ATP5PO: variants seen among roughly 807,000 people sequenced by gnomAD.
ATP5PO encodes the protein ATP synthase peripheral stalk subunit OSCP.
In ATP5PO, 14 loss-of-function variants were observed where a neutral mutation model predicts 26.2. That is an observed-to-expected ratio of 0.53 (90% CI 0.35 to 0.83). The LOEUF is 0.83. ATP5PO is among the 40% of genes least tolerant of loss of function. The pLI, the probability that ATP5PO is intolerant of heterozygous loss-of-function variation, is 0.01. For synonymous variants in ATP5PO, 106 were observed against 95.1 expected (o/e 1.12, Z -0.67); for missense variants, 241 against 258.5 (o/e 0.93, Z 0.46).
At chr21:33,905,024 A>G (rs1602769384) in intron 5 of ATP5PO, among the ~76,000 whole-genome samples, 4 of 152,170 alleles carry the variant, frequency 2.6e-5, no homozygotes, top group Non-Finnish European at 4.4e-5. Flanking sequence ...TACAAGTGTG[A>G]GCCACCACAC....
rs751887072 is a variant in ATP5PO, at chr21:33,909,070, T to A, written c.328+12A>T. The A allele has an allele frequency of 3.1e-6, 5 of 1,598,620 alleles. No homozygotes were observed. Among genetic ancestry groups the A allele is most frequent in the Non-Finnish European group, 4.3e-6 (5 of 1,171,830 alleles). Reference sequence around the variant, plus strand: ...TTCAAGACACCTCAAATGAAAAAGTTCTAATACTCACTGATCAGATTGGTA... The same window carrying A: ...TTCAAGACACCTCAAATGAAAAAGTACTAATACTCACTGATCAGATTGGTA... On this transcript the variant is annotated intron_variant, in intron 4 of 6. Transcript: ENST00000290299.
At position 33,909,100 on chromosome 21, in the gene ATP5PO, G is replaced by A. The variant is rs370581088; in HGVS notation, c.310C>T (p.Leu104Phe). 2.5e-6 allele frequency: 4 copies of A among 1,611,724 alleles called. No homozygotes were observed. Among genetic ancestry groups the A allele is most frequent in the Non-Finnish European group, 2.5e-6 (3 of 1,178,122 alleles). ...TACTCACTGATCAGATTGGTAGTGAGGGGAGAGAACCTCTCTTTTGCTGTG... is the reference window on the plus strand; with the variant it reads ...TACTCACTGATCAGATTGGTAGTGAAGGGAGAGAACCTCTCTTTTGCTGTG... ...DITAKERFSP[L>F]TTNLINLLAE... Residue 104 changes from leucine (L) to phenylalanine (F), a missense_variant, in exon 4 of 7, where the codon CTC becomes TTC. Leu to Phe is a conservative substitution (Grantham distance 22). Coordinates refer to ENST00000290299, the MANE Select transcript of ATP5PO (RefSeq NM_001697.3).
At position 33,907,371 on chromosome 21, in the gene ATP5PO, T is replaced by G; in HGVS notation, c.411A>C (p.Gly137=). 1 of 1,612,702 alleles carries G rather than the reference T, an allele frequency of 6.2e-7. No individual in the cohort carries two copies. The highest frequency in any genetic ancestry group is 1.1e-5 in the South Asian group (1 of 91,054). Residue 137 remains glycine (G), a synonymous_variant, in exon 5 of 7, where the codon GGA becomes GGC. Coordinates refer to ENST00000290299, the MANE Select transcript of ATP5PO (RefSeq NM_001697.3). Reference sequence around the variant, plus strand: ...CAGAGGTCACTGTGCAAGGTACCTCTCCGCGATGGACACTCATCATGGTAG... The same window carrying G: ...CAGAGGTCACTGTGCAAGGTACCTCGCCGCGATGGACACTCATCATGGTAG... ...AFSTMMSVHR[G]EVPCTVTSAS...
At chr21:33,904,742 C>A (rs1307421697) in intron 5 of ATP5PO, among the ~76,000 whole-genome samples, 5 of 152,158 alleles carry the variant, frequency 3.3e-5, no homozygotes, top group Non-Finnish European at 5.9e-5. Context: ...GGCTGTTAAA[C>A]CAAAGGCCTT....
chr21:33,908,782 C>T (rs560534533), intron 4 of ATP5PO: 17 of 265,810 alleles, frequency 6.4e-5, no homozygotes, highest in Admixed American at 5.4e-4. Flanking sequence ...CCACAGGCCA[C>T]GAACCATTTT....
At chr21:33,914,707 C>A in intron 1 of ATP5PO, 1 of 518,244 alleles carries the variant, frequency 1.9e-6, no homozygotes, top group Non-Finnish European at 3.4e-6. Context: ...CTTGGGAAAT[C>A]ACCTTCCCAC....
chr21:33,905,979 C>T (rs8132261), intron 5 of ATP5PO, among the ~76,000 whole-genome samples: 2,100 of 149,272 alleles, frequency 0.014, 46 homozygotes, highest in African/African-American at 0.049. Context: ...TGGCCTGCAC[C>T]AGTGCTTCAT....
In ATP5PO at chr21:33,912,364, A is replaced by G. The variant is rs765607316; in HGVS notation, c.123T>C (p.Tyr41=). The G allele has an allele frequency of 6.8e-6, 11 of 1,613,434 alleles. No individual in the cohort carries two copies. The highest frequency in any genetic ancestry group is 9.3e-6 in the Non-Finnish European group (11 of 1,179,646). The change falls in exon 3 of 7, where the codon TAT becomes TAC. Residue 41 remains tyrosine (Y), a synonymous_variant. Coordinates refer to ENST00000290299, the MANE Select transcript of ATP5PO (RefSeq NM_001697.3). ...ATGCAGCAGAATAAAGAGCTGTGGC[A>G]TAGCGACCTTCAATACCGTATACCT... is the stretch of plus-strand genomic sequence containing the variant. The part of the protein sequence containing the change: ...PVQVYGIEGR[Y]ATALYSAASK...
intron 3 of ATP5PO, among the ~76,000 whole-genome samples, chr21:33,909,719 C>CA (rs947355694): frequency 1.3e-5 from 2 of 152,194 alleles, no homozygotes; most frequent in East Asian, 1.9e-4. Context: ...TGATGTTCCT[C>CA]AAAAAAATTT....
chr21:33,908,569 T>C (rs924788732), intron 4 of ATP5PO, among the ~76,000 whole-genome samples: 8 of 151,954 alleles, frequency 5.3e-5, no homozygotes, highest in Admixed American at 2.0e-4. Context: ...ATTAGCTGGG[T>C]GTGGTGGCAT....
intron 3 of ATP5PO, 114 bp downstream of exon 3, chr21:33,912,175 G>T: frequency 1.4e-6 from 1 of 736,754 alleles, no homozygotes. Flanking sequence ...TACAGACAAT[G>T]GCTTTTTCCC....
At chr21:33,910,986 G>A (rs1462793654) in intron 3 of ATP5PO, among the ~76,000 whole-genome samples, 1 of 152,126 alleles carries the variant, frequency 6.6e-6, no homozygotes, top group Admixed American at 6.6e-5. Context: ...CCTATGAATT[G>A]TTTTTTCTAA....
In ATP5PO at chr21:33,914,671, T is replaced by G; in HGVS notation, c.37-171A>C. The G allele has an allele frequency of 8.8e-6, 5 of 565,960 alleles. No homozygotes were observed. In the South Asian group the frequency reaches 1.0e-4, roughly 12 times the overall value. The allele number at this position is 565,960 out of a possible 1,614,324, so 35.1% of individuals were successfully genotyped here. ...ACTTACTATTACTAAGGGGTAAACT[T>G]ACCCAATGAGGATTATGCCAAGTTG... On this transcript the variant is annotated intron_variant, in intron 1 of 6. Coordinates refer to ENST00000290299, the MANE Select transcript of ATP5PO (RefSeq NM_001697.3).
chr21:33,911,512 T>C, intron 3 of ATP5PO, among the ~76,000 whole-genome samples: 1 of 152,114 alleles, frequency 6.6e-6, no homozygotes, highest in East Asian at 1.9e-4. Context: ...CTCTACCAAA[T>C]GAAAACAACC....
intron 5 of ATP5PO, among the ~76,000 whole-genome samples, chr21:33,905,816 G>T (rs1425675130): frequency 4.0e-5 from 6 of 149,628 alleles, no homozygotes; most frequent in African/African-American, 1.5e-4. Flanking sequence ...GGAGGCTGAG[G>T]CAGGAGAATT....
In ATP5PO at chr21:33,915,779, T is replaced by C. The variant is rs1987307621; in HGVS notation, c.-16A>G. The C allele has an allele frequency of 1.3e-6, 2 of 1,565,500 alleles. No individual in the cohort carries two copies. The highest frequency in any genetic ancestry group is 1.9e-5 in the Admixed American group (1 of 53,462). On this transcript the variant is annotated 5_prime_UTR_variant, in exon 1 of 7. Transcript: ENST00000290299. ...GGGCAGCCATCTTCTCCCGGGCGGC[T>C]GTAGGTCAAACCCGAGTGGGAAGAG... is the stretch of plus-strand genomic sequence containing the variant.
intron 5 of ATP5PO, among the ~76,000 whole-genome samples, chr21:33,905,710 C>T (rs1987160237): frequency 1.3e-5 from 2 of 151,896 alleles, no homozygotes; most frequent in African/African-American, 2.4e-5. Flanking sequence ...GTCAGGAGTT[C>T]GAGACCAGCC....
In ATP5PO at chr21:33,905,918, G is replaced by GAAAAAAAAAAAAAAA. The variant is rs59334506; in HGVS notation, c.441+1408_441+1422dup. ...CAGAGTGAGACTCAGTCTCAAAAAAGAAAAAAAAAAAAAAAAAAAAGAAAA... is the reference window on the plus strand; with the variant it reads ...CAGAGTGAGACTCAGTCTCAAAAAAGAAAAAAAAAAAAAAAAAAAAAAAAAAAAAAAAAAAGAAAA... On this transcript the variant is annotated intron_variant, in intron 5 of 6. Transcript: ENST00000290299. Among the ~76,000 whole-genome samples, 43 of 98,434 alleles carry GAAAAAAAAAAAAAAA rather than the reference G, an allele frequency of 4.4e-4. 2 individuals carry two copies. Among genetic ancestry groups the GAAAAAAAAAAAAAAA allele is most frequent in the East Asian group, 6.9e-4 (2 of 2,898 alleles). 64.6% of individuals were successfully genotyped at this position (98,434 alleles called of 152,430 possible).
chr21:33,914,607 T>G lies in ATP5PO; in HGVS notation c.37-107A>C. ...TAAATAACCTTAAAATCATTACTTTTGTCTCTTTGTATATTCACATATTAC... is the reference window on the plus strand; with the variant it reads ...TAAATAACCTTAAAATCATTACTTTGGTCTCTTTGTATATTCACATATTAC... On this transcript the variant is annotated intron_variant, in intron 1 of 6. Coordinates refer to ENST00000290299, the MANE Select transcript of ATP5PO (RefSeq NM_001697.3). 5 of 1,054,688 alleles carry G rather than the reference T, an allele frequency of 4.7e-6. No homozygotes were observed. The Admixed American group carries it at 1.0e-4, about 21-fold the overall frequency. 65.3% of individuals were successfully genotyped at this position (1,054,688 alleles called of 1,614,324 possible).
Sources: gnomAD v4.1 joint callset for allele counts (sites outside exome capture counted in the v4.1 genomes callset) on GRCh38, gnomAD v4.1.1 for gene constraint, MANE v1.5 for transcripts, NCBI Gene and HGNC (gene_info 2026-07-23, HGNC 2026-07-21) for gene names.